Variants in MAPK10 observed in about 807,000 individuals in gnomAD.
The protein encoded by MAPK10 is mitogen-activated protein kinase 10, also known as JNK3 alpha protein kinase.
MAPK10 carries 25 observed loss-of-function variants against 59.3 expected under a neutral mutation model. The ratio of observed to expected loss-of-function variants is 0.42; its 90% CI spans 0.31 to 0.59. The LOEUF is 0.59. Ranked by LOEUF, MAPK10 falls within the 20% of genes least tolerant of loss-of-function variation. The probability of loss-of-function intolerance (pLI) is 0.15; values close to 1 mark genes in which losing one functional copy is unlikely to be tolerated. For missense variants in MAPK10, 351 were observed against 568.9 expected, an observed-to-expected ratio of 0.62 and a Z score of 3.90; for synonymous variants, 190 against 200.5, an observed-to-expected ratio of 0.95 and a Z score of 0.44.
At chr4:86,506,780 A>G (rs1316937100) in intron 1 of MAPK10, among the ~76,000 whole-genome samples, 1 of 152,074 alleles carries the variant, frequency 6.6e-6, no homozygotes, top group Admixed American at 6.6e-5. Flanking sequence ...CAACCACAAC[A>G]ATCAAGGTCA....
chr4:86,025,495 T>C, intron 13 of MAPK10: 1 of 398,394 alleles, frequency 2.5e-6, no homozygotes, highest in Admixed American at 4.4e-5. Flanking sequence ...TGCGAAAATC[T>C]CTTAAACAGA....
chr4:86,562,794 C>T (rs1443895077), intron 1 of MAPK10, among the ~76,000 whole-genome samples: 2 of 152,190 alleles, frequency 1.3e-5, no homozygotes, highest in African/African-American at 4.8e-5. Flanking sequence ...ATATACACTA[C>T]ACACTTTCCC....
intron 9 of MAPK10, chr4:86,089,511 G>T: frequency 7.4e-6 from 3 of 407,856 alleles, no homozygotes; most frequent in Non-Finnish European, 8.7e-6. Flanking sequence ...GCTACCTAAT[G>T]TAGAATAATA....
intron 2 of MAPK10, among the ~76,000 whole-genome samples, chr4:86,232,559 G>C (rs1197059503): frequency 6.6e-6 from 1 of 151,982 alleles, no homozygotes; most frequent in Non-Finnish European, 1.5e-5. Flanking sequence ...ATTTTTAGTA[G>C]AGACAGGGTT....
chr4:86,450,945 G>A (rs1005662210), intron 1 of MAPK10, among the ~76,000 whole-genome samples: 1 of 152,132 alleles, frequency 6.6e-6, no homozygotes, highest in Non-Finnish European at 1.5e-5. Context: ...TAAAATTAGT[G>A]TCTGACATGC....
chr4:86,574,320 G>C (rs112362633), intron 1 of MAPK10, among the ~76,000 whole-genome samples: 213 of 151,854 alleles, frequency 1.4e-3, no homozygotes, highest in African/African-American at 4.6e-3. Flanking sequence ...GGACATTTGG[G>C]TTGGTTCCAA....
At chr4:86,348,935 T>A (rs931284588) in intron 2 of MAPK10, among the ~76,000 whole-genome samples, 1 of 152,212 alleles carries the variant, frequency 6.6e-6, no homozygotes, top group Non-Finnish European at 1.5e-5. Context: ...ATGTTTTCTA[T>A]ATCTTCACCA....
At chr4:86,372,564 G>GAAAGAAAGAAAGAAAGGAAGGA in intron 1 of MAPK10, among the ~76,000 whole-genome samples, 3 of 78,690 alleles carry the variant, frequency 3.8e-5, no homozygotes, top group African/African-American at 8.9e-5. Flanking sequence ...AAGAAAGAAA[G>GAAAGAAAGAAAGAAAGGAAGGA]AAAGAAAAGA....
At chr4:86,194,221 T>A (rs2080724626) in intron 3 of MAPK10, 115 bp downstream of exon 3, 1 of 802,878 alleles carries the variant, frequency 1.2e-6, no homozygotes, top group African/African-American at 1.7e-5. Context: ...AATTCTAAAC[T>A]ACTGTTAATA....
chr4:86,163,093 A>G lies in MAPK10; in HGVS notation c.67-3626T>C, dbSNP rs576348883. 7.3e-4 allele frequency among the ~76,000 whole-genome samples: 111 copies of G among 152,256 alleles called. 2 individuals carry two copies. The South Asian group carries it at 0.023, about 31-fold the overall frequency. Reference sequence around the variant, plus strand: ...AGGTAAAATTTGGAAGTTAGGGAAGATGTTCATGAAAGCATCTCAAATAAT... The same window carrying G: ...AGGTAAAATTTGGAAGTTAGGGAAGGTGTTCATGAAAGCATCTCAAATAAT... On this transcript the variant is annotated intron_variant, in intron 3 of 13. Transcript: ENST00000641462.
At chr4:86,236,188 T>G (rs997863351) in intron 2 of MAPK10, among the ~76,000 whole-genome samples, 10 of 152,178 alleles carry the variant, frequency 6.6e-5, no homozygotes, top group African/African-American at 2.2e-4. Flanking sequence ...CCCTTGTGAT[T>G]ATATTGGGCC....
chr4:86,298,812 C>T (rs1163379257), intron 2 of MAPK10, among the ~76,000 whole-genome samples: 1 of 152,140 alleles, frequency 6.6e-6, no homozygotes, highest in African/African-American at 2.4e-5. Context: ...ACTCAAATTC[C>T]AAAAACTTAA....
chr4:86,049,968 C>CAGGA (rs34490730), intron 11 of MAPK10, among the ~76,000 whole-genome samples: 34,607 of 151,952 alleles, frequency 0.23, 4,117 homozygotes, highest in South Asian at 0.26. Flanking sequence ...GTTTCCTGAC[C>CAGGA]AGGACCCTGC....
chr4:86,513,425 T>C (rs534271045), intron 1 of MAPK10, among the ~76,000 whole-genome samples: 1 of 152,324 alleles, frequency 6.6e-6, no homozygotes, highest in South Asian at 2.1e-4. Context: ...TCTGCTTTCA[T>C]TAAATCCAGT....
intron 11 of MAPK10, among the ~76,000 whole-genome samples, chr4:86,054,599 G>A (rs1001471923): frequency 4.6e-5 from 7 of 152,092 alleles, no homozygotes; most frequent in Non-Finnish European, 5.9e-5. Flanking sequence ...CACAAAATAC[G>A]AATTGCTCTT....
chr4:86,271,664 C>G (rs2094438355), intron 2 of MAPK10, among the ~76,000 whole-genome samples: 2 of 151,698 alleles, frequency 1.3e-5, no homozygotes, highest in Admixed American at 1.3e-4. Context: ...TTCCACAGGG[C>G]TTGGGAGGCC....
Position 86,288,492 on chromosome 4 carries a change from G to A in MAPK10, c.-7+66038C>T, listed in dbSNP as rs188718146. Among the ~76,000 whole-genome samples the A allele has an allele frequency of 1.7e-4, 26 of 152,092 alleles. 1 individual carries two copies. Among genetic ancestry groups the A allele is most frequent in the Admixed American group, 1.6e-3 (24 of 15,264 alleles). ...TCACTCAACTATTTTCTAAACCAGA[G>A]ATGGGCTGTATTGTATCCAGGACAA... is the stretch of plus-strand genomic sequence containing the variant. On this transcript the variant is annotated intron_variant, in intron 2 of 13. Transcript: ENST00000641462.
rs191828780 is a variant in MAPK10, at chr4:86,118,329, T to C, written c.237-10977A>G. Among the ~76,000 whole-genome samples the C allele has an allele frequency of 2.0e-5, 3 of 152,326 alleles. No individual in the cohort carries two copies. In the East Asian group the frequency reaches 5.8e-4, roughly 29 times the overall value. On this transcript the variant is annotated intron_variant, in intron 4 of 13. Coordinates refer to ENST00000641462, the MANE Select transcript of MAPK10 (RefSeq NM_138982.4). ...TTTTTTCTTTCAGTATTTTTTTCTTTCTGCTATCTTTATGCAGGTAAAAAT... is the reference window on the plus strand; with the variant it reads ...TTTTTTCTTTCAGTATTTTTTTCTTCCTGCTATCTTTATGCAGGTAAAAAT...
At chr4:86,324,365 C>T (rs539468571) in intron 2 of MAPK10, among the ~76,000 whole-genome samples, 8 of 151,842 alleles carry the variant, frequency 5.3e-5, no homozygotes, top group South Asian at 4.2e-4. Flanking sequence ...AAGCCAAGAT[C>T]GTGCCATTGC....
Sources: allele counts gnomAD v4.1 joint callset (sites outside exome capture counted in the v4.1 genomes callset), GRCh38; gene constraint gnomAD v4.1.1; transcripts MANE v1.5; gene names NCBI Gene and HGNC (gene_info 2026-07-23, HGNC 2026-07-21).